Variants in EEF2K observed in about 807,000 individuals in gnomAD.
The protein encoded by EEF2K is eukaryotic elongation factor 2 kinase, also known as alternative protein EEF2K.
EEF2K carries 70 observed loss-of-function variants against 93.8 expected under a neutral mutation model. That is an observed-to-expected ratio of 0.75 (90% CI 0.62 to 0.91). The LOEUF is 0.91. Among genes scored for constraint, EEF2K ranks in the 40% least tolerant of loss-of-function variants. EEF2K has a pLI of 0.00. For synonymous variants in EEF2K, 376 were observed against 380.8 expected, an observed-to-expected ratio of 0.99 and a Z score of 0.15; for missense variants, 935 against 972.9, an observed-to-expected ratio of 0.96 and a Z score of 0.52.
At chr16:22,232,881 GT>G (rs111967544) in intron 2 of EEF2K, among the ~76,000 whole-genome samples, 16,697 of 149,498 alleles carry the variant, frequency 0.11, 1,131 homozygotes, top group East Asian at 0.3. Context: ...AACCTAAGTG[GT>G]TTTTTTTTTA....
intron 2 of EEF2K, among the ~76,000 whole-genome samples, chr16:22,238,070 A>G: frequency 6.6e-6 from 1 of 152,180 alleles, no homozygotes; most frequent in East Asian, 1.9e-4. Flanking sequence ...TGAGTGGATC[A>G]CCTGAGGCCA....
intron 14 of EEF2K, 42 bp from the exon 15 acceptor site, chr16:22,266,646 G>C (rs765909324): frequency 6.3e-7 from 1 of 1,586,500 alleles, no homozygotes; most frequent in South Asian, 1.2e-5. Flanking sequence ...TGCGGCTTTG[G>C]CCCGCCAGAC....
At chr16:22,244,388 T>C (rs2047262706) in intron 2 of EEF2K, among the ~76,000 whole-genome samples, 1 of 151,852 alleles carries the variant, frequency 6.6e-6, no homozygotes, top group African/African-American at 2.4e-5. Flanking sequence ...CATTCTCAAC[T>C]CTTTGATCCA....
At position 22,210,700 on chromosome 16, in the gene EEF2K, G is replaced by C. The variant is rs375366363; in HGVS notation, c.-77+4021G>C. Among the ~76,000 whole-genome samples, 14 of 152,258 alleles carry C rather than the reference G, an allele frequency of 9.2e-5. No individual in the cohort carries two copies. In the East Asian group the frequency reaches 1.4e-3, roughly 15 times the overall value. On this transcript the variant is annotated intron_variant, in intron 1 of 17. Coordinates refer to ENST00000263026, the MANE Select transcript of EEF2K (RefSeq NM_013302.5). Reference sequence around the variant, plus strand: ...AAGCTAAGAGCGACTAACTCCTGGGGTTCAGGGGAGGCTTCATGAAGGAGG... The same window carrying C: ...AAGCTAAGAGCGACTAACTCCTGGGCTTCAGGGGAGGCTTCATGAAGGAGG...
chr16:22,225,839 A>G lies in EEF2K; in HGVS notation c.110A>G (p.Tyr37Cys). 6.2e-7 allele frequency: 1 copy of G among 1,614,238 alleles called. No homozygotes were observed. The highest frequency in any genetic ancestry group is 1.1e-5 in the South Asian group (1 of 91,088). ...GGGGACAGCGACGATGAGGAAGGTT[A>G]CTTCATCTGCCCCATCACGGATGAC... ...SDGDSDDEEG[Y>C]FICPITDDPS... Residue 37 changes from tyrosine to cysteine, a missense_variant, in exon 2 of 18, where the codon TAC becomes TGC. Transcript: ENST00000263026.
intron 3 of EEF2K, among the ~76,000 whole-genome samples, chr16:22,247,960 C>A (rs900791845): frequency 6.6e-6 from 1 of 152,130 alleles, no homozygotes; most frequent in Non-Finnish European, 1.5e-5. Flanking sequence ...TGGGCCATGC[C>A]GTTTGTTACG....
At chr16:22,209,279 G>A (rs1186267999) in intron 1 of EEF2K, among the ~76,000 whole-genome samples, 3 of 152,090 alleles carry the variant, frequency 2.0e-5, no homozygotes, top group East Asian at 1.9e-4. Context: ...TGATCCACCC[G>A]CCTCCCAAAG....
intron 1 of EEF2K, among the ~76,000 whole-genome samples, chr16:22,223,260 C>CT (rs2047031732): frequency 7.7e-6 from 1 of 129,466 alleles, no homozygotes; most frequent in African/African-American, 3.2e-5. Context: ...TTGTTTTTTT[C>CT]TGTTTTTTTT....
chr16:22,266,564 C>A (rs189148040), intron 14 of EEF2K, 40 bp downstream of exon 14: 1 of 1,609,998 alleles, frequency 6.2e-7, no homozygotes, highest in South Asian at 1.1e-5. Flanking sequence ...TCTGCACTAA[C>A]CTGGAGCCCC....
intron 11 of EEF2K, 97 bp from the exon 12 acceptor site, chr16:22,263,013 G>T (rs573310355): frequency 2.8e-4 from 319 of 1,144,314 alleles, no homozygotes; most frequent in Middle Eastern, 1.9e-3. Context: ...TAATGGGACA[G>T]AGGGGAGAAA....
intron 1 of EEF2K, among the ~76,000 whole-genome samples, chr16:22,222,080 A>T (rs913898625): frequency 2.6e-5 from 4 of 152,188 alleles, no homozygotes; most frequent in African/African-American, 7.2e-5. Flanking sequence ...AAAAAAAATT[A>T]AAAAATTAAA....
intron 2 of EEF2K, among the ~76,000 whole-genome samples, chr16:22,237,096 C>T (rs2047175762): frequency 6.6e-6 from 1 of 151,410 alleles, no homozygotes; most frequent in African/African-American, 2.4e-5. Context: ...AGGCACACGT[C>T]ACCACGCCCA....
At chr16:22,206,742 C>G (rs1418651030) in intron 1 of EEF2K, 63 bp downstream of exon 1, 1 of 152,652 alleles carries the variant, frequency 6.6e-6, no homozygotes, top group African/African-American at 2.4e-5. Context: ...CAGGCCTGTG[C>G]GCCCGGGTGC....
rs201706454 is a variant in EEF2K, at chr16:22,263,112, G to T, written c.1302G>T (p.Glu434Asp). 6.2e-7 allele frequency: 1 copy of T among 1,612,016 alleles called. No homozygotes were observed. The highest frequency in any genetic ancestry group is 8.5e-7 in the Non-Finnish European group (1 of 1,178,914). The change falls in exon 12 of 18, where the codon GAG becomes GAT. Residue 434 changes from glutamate to aspartate, a missense_variant and splice_region_variant. Physicochemically the swap from Glu to Asp is conservative, Grantham distance 45 (BLOSUM62 2). Coordinates refer to ENST00000263026, the MANE Select transcript of EEF2K (RefSeq NM_013302.5). ...RDHDHLDNHR[E>D]SENSGDSGYP... ...CTAAGGCCGTCTTCTCTCCACAGGA[G>T]TCTGAGAATAGTGGGGACAGCGGAT...
At position 22,283,891 on chromosome 16, in the gene EEF2K, C is replaced by T. The variant is rs748071066; in HGVS notation, c.2073C>T (p.Asp691=). The change falls in exon 18 of 18, where the codon GAC becomes GAT. Residue 691 remains aspartate, a synonymous_variant. Coordinates refer to ENST00000263026, the MANE Select transcript of EEF2K (RefSeq NM_013302.5). ...GLEKDPQRSG[D]LYTQAAEAAM... is the part of the protein sequence containing the mutation. The stretch of plus-strand genomic sequence containing the variant: ...CCCCCCTTTGCTGTCTTTCAGGGGA[C>T]TTGTATACCCAGGCAGCAGAGGCAG... 3 of 1,591,448 alleles carry T rather than the reference C, an allele frequency of 1.9e-6. No individual in the cohort carries two copies. Among genetic ancestry groups the T allele is most frequent in the Admixed American group, 1.8e-5 (1 of 56,512 alleles).
At chr16:22,249,347 T>C (rs190473557) in intron 4 of EEF2K, among the ~76,000 whole-genome samples, 17 of 151,896 alleles carry the variant, frequency 1.1e-4, no homozygotes, top group Admixed American at 1.1e-3. Context: ...ATTCCCTGCA[T>C]ATTGAAGTTA....
intron 2 of EEF2K, among the ~76,000 whole-genome samples, chr16:22,244,228 CTA>C (rs757343577): frequency 2.1e-5 from 3 of 143,234 alleles, no homozygotes; most frequent in African/African-American, 2.6e-5. Flanking sequence ...GACTCTGTTT[CTA>C]TATATATATA....
Position 22,257,336 on chromosome 16 carries a change from C to T in EEF2K, c.852C>T (p.Asp284=). The T allele has an allele frequency of 6.2e-7, 1 of 1,613,832 alleles. No individual in the cohort carries two copies. Among genetic ancestry groups the T allele is most frequent in the Non-Finnish European group, 8.5e-7 (1 of 1,179,968 alleles). ...AGGGAGTTGGGGATCTCTACACTGA[C>T]CCACAGATCCACACGGAGACGGGCA... ...DIQGVGDLYT[D]PQIHTETGTD... The change falls in exon 8 of 18, where the codon GAC becomes GAT. Residue 284 remains aspartate, a synonymous_variant. Transcript: ENST00000263026.
chr16:22,257,557 C>T (rs1443590165), intron 8 of EEF2K, 86 bp from the exon 9 acceptor site: 115 of 1,570,836 alleles, frequency 7.3e-5, no homozygotes, highest in Non-Finnish European at 9.6e-5. Flanking sequence ...TTTATACCTG[C>T]CCTGGCCATA....
Sources: gnomAD v4.1 joint callset for allele counts (sites outside exome capture counted in the v4.1 genomes callset) on GRCh38, gnomAD v4.1.1 for gene constraint, MANE v1.5 for transcripts, NCBI Gene and HGNC (gene_info 2026-07-23, HGNC 2026-07-21) for gene names.